MYO3A: variants seen among roughly 807,000 people sequenced by gnomAD.
MYO3A encodes myosin-IIIa.
Under a neutral mutation model 192.7 loss-of-function variants are expected in MYO3A, and 180 were observed. The observed-to-expected ratio is 0.93, with a 90% confidence interval of 0.83 to 1.06. The LOEUF (loss-of-function observed/expected upper bound fraction) is 1.06, where lower values mean the gene tolerates loss of function less well. MYO3A is among the 50% of genes least tolerant of loss of function. The pLI is 0.00. For synonymous variants in MYO3A, 628 were observed against 645.3 expected, an observed-to-expected ratio of 0.97 and a Z score of 0.41; for missense variants, 1,896 against 1,905.0, an observed-to-expected ratio of 1.00 and a Z score of 0.09.
At chr10:25,987,485 G>T (rs1726253904) in intron 4 of MYO3A, among the ~76,000 whole-genome samples, 1 of 151,698 alleles carries the variant, frequency 6.6e-6, no homozygotes, top group Non-Finnish European at 1.5e-5. Flanking sequence ...TAATATCCAG[G>T]ATCTACAAAG....
intron 10 of MYO3A, among the ~76,000 whole-genome samples, chr10:26,056,553 G>A (rs887993874): frequency 6.6e-5 from 10 of 152,184 alleles, no homozygotes; most frequent in Admixed American, 2.0e-4. Flanking sequence ...TAATGGCAGG[G>A]CATATGTCCC....
intron 20 of MYO3A, among the ~76,000 whole-genome samples, chr10:26,136,492 A>G (rs1365279848): frequency 6.6e-6 from 1 of 152,194 alleles, no homozygotes; most frequent in Non-Finnish European, 1.5e-5. Context: ...TCCTCAAATC[A>G]CTTCAATTGG....
chr10:26,176,743 TTGAA>T lies in MYO3A; in HGVS notation c.4341_4344del (p.Asn1447LysfsTer2), dbSNP rs760255753. ...AGAATATTTCATTCTGCAGAAAAAA[TTGAA>T]TGAAATGATTTTGTCACAGCAACTG... On this transcript the variant is annotated frameshift_variant, in exon 31 of 35. Transcript: ENST00000642920. LOFTEE classifies it high-confidence loss of function. 2.6e-5 allele frequency: 42 copies of T among 1,611,148 alleles called. No individual in the cohort carries two copies. The highest frequency in any genetic ancestry group is 1.2e-4 in the Admixed American group (7 of 59,996).
chr10:26,143,368 A>G lies in MYO3A; in HGVS notation c.2263-80A>G. On this transcript the variant is annotated intron_variant, in intron 20 of 34. Transcript: ENST00000642920. ...GTCAAAGGGAGCAATTTATTTTAAT[A>G]TATGCAAAGTAAAATTTTAGGTAAT... 3 of 1,388,942 alleles carry G rather than the reference A, an allele frequency of 2.2e-6. No individual in the cohort carries two copies. In the South Asian group the frequency reaches 3.7e-5, roughly 17 times the overall value. The allele number at this position is 1,388,942 out of a possible 1,614,324, so 86.0% of individuals were successfully genotyped here. A position where few individuals can be genotyped will look rare whatever the true frequency, so the allele number is the denominator to read the frequency against.
intron 10 of MYO3A, among the ~76,000 whole-genome samples, chr10:26,045,376 A>AGATG (rs1460825213): frequency 3.1e-3 from 428 of 139,888 alleles, no homozygotes; most frequent in African/African-American, 7.9e-3. Flanking sequence ...TTAGATAGAT[A>AGATG]GATAGATAGA....
In MYO3A at chr10:26,016,805, T is replaced by C. The variant is rs1842008289; in HGVS notation, c.509-15T>C. The C allele has an allele frequency of 5.0e-6, 8 of 1,613,246 alleles. No homozygotes were observed. Among genetic ancestry groups the C allele is most frequent in the Non-Finnish European group, 6.8e-6 (8 of 1,179,168 alleles). ...GTAATTAATGCAAAAAAGTACATCT[T>C]GTCTCTTCCTCTAGGTGTGTCTGCA... On this transcript the variant is annotated splice_polypyrimidine_tract_variant and intron_variant, in intron 6 of 34. Transcript: ENST00000642920.
intron 4 of MYO3A, among the ~76,000 whole-genome samples, chr10:25,965,088 G>C (rs180973603): frequency 1.6e-3 from 247 of 152,188 alleles, no homozygotes; most frequent in African/African-American, 5.8e-3. Flanking sequence ...AGTCTTCTTT[G>C]GGTTAAATCT....
chr10:26,048,676 T>C (rs545779044), intron 10 of MYO3A, among the ~76,000 whole-genome samples: 1 of 152,288 alleles, frequency 6.6e-6, no homozygotes, highest in Admixed American at 6.5e-5. Context: ...TATTTATTCA[T>C]ATAGGTTTGA....
At chr10:26,125,375 C>A (rs376216830) in intron 18 of MYO3A, 23 bp from the exon 19 acceptor site, 26 of 1,611,338 alleles carry the variant, frequency 1.6e-5, no homozygotes, top group Non-Finnish European at 2.0e-5. Context: ...TTTCTTCTAA[C>A]AATGCATCTG....
chr10:26,044,828 G>A (rs1843545115), intron 10 of MYO3A, among the ~76,000 whole-genome samples: 1 of 152,160 alleles, frequency 6.6e-6, no homozygotes, highest in Non-Finnish European at 1.5e-5. Context: ...GTAAAAGGAG[G>A]GTACAAGCAG....
chr10:26,007,109 C>A lies in MYO3A; in HGVS notation c.509-9711C>A, dbSNP rs1262572772. ...AATCAATAAACGTAATCCAGCATAT[C>A]AACAGAACCGAAGACAAAAACCACA... On this transcript the variant is annotated intron_variant, in intron 6 of 34. Coordinates refer to ENST00000642920, the MANE Select transcript of MYO3A (RefSeq NM_017433.5). Among the ~76,000 whole-genome samples the A allele has an allele frequency of 6.5e-3, 891 of 136,144 alleles. 20 individuals carry two copies. The highest frequency in any genetic ancestry group is 0.016 in the African/African-American group (519 of 31,564). 89.3% of individuals were successfully genotyped at this position (136,144 alleles called of 152,430 possible).
At chr10:26,187,400 A>T (rs1218974141) in intron 31 of MYO3A, among the ~76,000 whole-genome samples, 1 of 152,190 alleles carries the variant, frequency 6.6e-6, no homozygotes, top group Non-Finnish European at 1.5e-5. Context: ...TTCAAGATCA[A>T]GGTGTCAGCA....
At chr10:26,016,126 C>A (rs1841969085) in intron 6 of MYO3A, among the ~76,000 whole-genome samples, 1 of 152,098 alleles carries the variant, frequency 6.6e-6, no homozygotes, top group Non-Finnish European at 1.5e-5. Context: ...ACTCCTAATT[C>A]TCTTGAAGGT....
rs185422163 is a variant in MYO3A at position 26,098,617 on chromosome 10, A to G, written c.1776+1935A>G. On this transcript the variant is annotated intron_variant, in intron 17 of 34. Coordinates refer to ENST00000642920, the MANE Select transcript of MYO3A (RefSeq NM_017433.5). ...GGTGTAAGGAAGGGATCCAGTTTCA[A>G]CTTTCTACATATGGCTAGCCAATTT... Among the ~76,000 whole-genome samples the G allele has an allele frequency of 8.5e-5, 13 of 152,218 alleles. No homozygotes were observed. The East Asian group carries it at 2.5e-3, about 29-fold the overall frequency.
chr10:26,061,532 G>C (rs1834478601), intron 10 of MYO3A, among the ~76,000 whole-genome samples: 2 of 152,184 alleles, frequency 1.3e-5, no homozygotes, highest in African/African-American at 4.8e-5. Context: ...GGTATATTAA[G>C]AGCCCTTCTG....
chr10:26,071,670 A>T (rs937732146), intron 14 of MYO3A, among the ~76,000 whole-genome samples: 6 of 152,206 alleles, frequency 3.9e-5, no homozygotes, highest in Non-Finnish European at 7.3e-5. Flanking sequence ...ATACAAATCA[A>T]TAAGAAATGA....
intron 15 of MYO3A, among the ~76,000 whole-genome samples, chr10:26,093,864 A>T (rs1024086394): frequency 2.0e-5 from 3 of 152,080 alleles, no homozygotes; most frequent in Non-Finnish European, 4.4e-5. Context: ...ACACATCTCA[A>T]ATCTGTTTCT....
intron 4 of MYO3A, among the ~76,000 whole-genome samples, chr10:25,979,572 A>G (rs957882904): frequency 2.0e-5 from 3 of 152,126 alleles, no homozygotes; most frequent in African/African-American, 7.2e-5. Context: ...CATATATGAC[A>G]GCAGATTTAA....
intron 17 of MYO3A, among the ~76,000 whole-genome samples, chr10:26,099,726 T>A (rs1588953630): frequency 6.6e-6 from 1 of 152,230 alleles, no homozygotes; most frequent in South Asian, 2.1e-4. Context: ...TTGATTTGCA[T>A]ATGTTGAACC....
Sources: gnomAD v4.1 joint callset for allele counts (sites outside exome capture counted in the v4.1 genomes callset) on GRCh38, gnomAD v4.1.1 for gene constraint, MANE v1.5 for transcripts, NCBI Gene and HGNC (gene_info 2026-07-23, HGNC 2026-07-21) for gene names.